CNTN5: variants seen among roughly 807,000 people sequenced by gnomAD.
The protein encoded by CNTN5 is contactin 5.
CNTN5 carries 77 observed loss-of-function variants against 129.1 expected under a neutral mutation model. The ratio of observed to expected loss-of-function variants is 0.60; its 90% CI spans 0.50 to 0.72. CNTN5 has a LOEUF of 0.72. Ranked by LOEUF, CNTN5 falls within the 30% of genes least tolerant of loss-of-function variation. The probability of loss-of-function intolerance (pLI) is 0.00; values close to 1 mark genes in which losing one functional copy is unlikely to be tolerated. For synonymous variants in CNTN5, 509 were observed against 465.6 expected, an observed-to-expected ratio of 1.09 and a Z score of -1.20; for missense variants, 1,478 against 1,328.8, an observed-to-expected ratio of 1.11 and a Z score of -1.75.
At chr11:99,158,648 T>C (rs1860451375) in intron 1 of CNTN5, among the ~76,000 whole-genome samples, 1 of 152,158 alleles carries the variant, frequency 6.6e-6, no homozygotes, top group Non-Finnish European at 1.5e-5. Flanking sequence ...GAACACATCA[T>C]TGGGCAATAG....
At chr11:99,630,059 T>C (rs951648910) in intron 3 of CNTN5, among the ~76,000 whole-genome samples, 4 of 151,878 alleles carry the variant, frequency 2.6e-5, no homozygotes, top group Admixed American at 1.3e-4. Context: ...GTAACTCCCA[T>C]GCTAGACTGA....
At chr11:99,352,087 G>T (rs1282986261) in intron 2 of CNTN5, among the ~76,000 whole-genome samples, 2 of 152,182 alleles carry the variant, frequency 1.3e-5, no homozygotes, top group Admixed American at 1.3e-4. Flanking sequence ...GCCCAGCATT[G>T]AATGAAACTA....
rs190448118 is a variant in CNTN5, at chr11:100,279,162, C to T, written c.2314+7921C>T. ...ATCCCAGGGATAAATTCCACTTGGT[C>T]ATGATGAATGAACTTTTTAATGTGT... is the stretch of plus-strand genomic sequence containing the variant. On this transcript the variant is annotated intron_variant, in intron 18 of 24. Transcript: ENST00000524871. Among the ~76,000 whole-genome samples the T allele has an allele frequency of 7.0e-3, 1,064 of 151,966 alleles. 8 individuals are homozygous for T. Among genetic ancestry groups the T allele is most frequent in the Non-Finnish European group, 9.3e-3 (630 of 67,860 alleles).
At chr11:99,562,566 T>C (rs1012626969) in intron 3 of CNTN5, among the ~76,000 whole-genome samples, 3 of 152,278 alleles carry the variant, frequency 2.0e-5, no homozygotes, top group African/African-American at 7.2e-5. Context: ...AAAAACTGGT[T>C]ATGAATACAT....
chr11:99,812,892 T>C (rs940500168), intron 3 of CNTN5, among the ~76,000 whole-genome samples: 1 of 152,164 alleles, frequency 6.6e-6, no homozygotes, highest in Non-Finnish European at 1.5e-5. Context: ...CACTCTGCTT[T>C]TTTTTTCTCC....
chr11:99,067,874 C>G (rs1197299415), intron 1 of CNTN5, among the ~76,000 whole-genome samples: 1 of 152,140 alleles, frequency 6.6e-6, no homozygotes, highest in South Asian at 2.1e-4. Context: ...TCACAATCCT[C>G]AGAATCCCCA....
At chr11:99,859,538 T>C (rs1205987940) in intron 6 of CNTN5, among the ~76,000 whole-genome samples, 1 of 152,168 alleles carries the variant, frequency 6.6e-6, no homozygotes, top group Non-Finnish European at 1.5e-5. Flanking sequence ...GTTTCTGTTT[T>C]TGCCCTCTTT....
intron 3 of CNTN5, among the ~76,000 whole-genome samples, chr11:99,669,258 G>A (rs1357269527): frequency 6.6e-6 from 1 of 152,086 alleles, no homozygotes; most frequent in Non-Finnish European, 1.5e-5. Context: ...CTTAAGATGA[G>A]AAAAGCTATA....
At chr11:99,443,746 G>A (rs908697960) in intron 2 of CNTN5, among the ~76,000 whole-genome samples, 7 of 152,134 alleles carry the variant, frequency 4.6e-5, no homozygotes, top group African/African-American at 1.7e-4. Flanking sequence ...TCATTGGCTG[G>A]TGACCTAAAT....
At chr11:99,709,944 G>C (rs905572477) in intron 3 of CNTN5, among the ~76,000 whole-genome samples, 2 of 151,810 alleles carry the variant, frequency 1.3e-5, no homozygotes, top group African/African-American at 4.8e-5. Context: ...TTATATCAGT[G>C]ATTAAAGTAC....
intron 1 of CNTN5, among the ~76,000 whole-genome samples, chr11:99,066,726 A>G (rs1166005372): frequency 6.6e-6 from 1 of 152,112 alleles, no homozygotes; most frequent in Non-Finnish European, 1.5e-5. Flanking sequence ...CAGTGGCCCC[A>G]GCTCTTACAT....
chr11:99,546,920 A>G (rs1948312680), intron 2 of CNTN5, among the ~76,000 whole-genome samples: 1 of 152,214 alleles, frequency 6.6e-6, no homozygotes, highest in Non-Finnish European at 1.5e-5. Context: ...TTGAAGTAAG[A>G]AATGTTATAG....
At chr11:100,142,364 T>C (rs563479041) in intron 13 of CNTN5, among the ~76,000 whole-genome samples, 1 of 152,304 alleles carries the variant, frequency 6.6e-6, no homozygotes, top group Non-Finnish European at 1.5e-5. Context: ...CTCTCTTCTA[T>C]CTTTCTCTCC....
chr11:99,968,252 T>C (rs1468026382), intron 8 of CNTN5, among the ~76,000 whole-genome samples: 1 of 152,124 alleles, frequency 6.6e-6, no homozygotes, highest in Non-Finnish European at 1.5e-5. Flanking sequence ...AGAATGCGTG[T>C]TGAAAGATTA....
chr11:100,269,254 A>T (rs1950364757), intron 17 of CNTN5, among the ~76,000 whole-genome samples: 1 of 152,196 alleles, frequency 6.6e-6, no homozygotes, highest in African/African-American at 2.4e-5. Context: ...GAGACCATTC[A>T]CTGGTAATCT....
chr11:99,454,628 C>T (rs1338541862), intron 2 of CNTN5, among the ~76,000 whole-genome samples: 1 of 152,174 alleles, frequency 6.6e-6, no homozygotes, highest in Admixed American at 6.6e-5. Context: ...GCCTCCCCAG[C>T]CATGCTGAAC....
At chr11:100,202,793 G>A (rs1286796307) in intron 15 of CNTN5, among the ~76,000 whole-genome samples, 2 of 151,840 alleles carry the variant, frequency 1.3e-5, no homozygotes, top group African/African-American at 4.8e-5. Flanking sequence ...TGAGCCCCAG[G>A]AAGGAAGACA....
chr11:99,625,164 A>G (rs1951084610), intron 3 of CNTN5, among the ~76,000 whole-genome samples: 1 of 152,114 alleles, frequency 6.6e-6, no homozygotes, highest in African/African-American at 2.4e-5. Context: ...TTTCTTTTAT[A>G]CTCATCTGCT....
intron 2 of CNTN5, among the ~76,000 whole-genome samples, chr11:99,488,780 T>C: frequency 6.6e-6 from 1 of 152,190 alleles, no homozygotes; most frequent in East Asian, 1.9e-4. Context: ...CTTTGCCACA[T>C]GCTGGGTCAG....
Sources: allele counts gnomAD v4.1 joint callset (sites outside exome capture counted in the v4.1 genomes callset), GRCh38; gene constraint gnomAD v4.1.1; transcripts MANE v1.5; gene names NCBI Gene and HGNC (gene_info 2026-07-23, HGNC 2026-07-21).